The following BRIP1 variants were observed in gnomAD, a reference collection of about 807,000 sequenced individuals.
BRIP1 encodes the protein Fanconi anemia group J protein.
A neutral mutation model predicts 119.7 loss-of-function variants in BRIP1; 88 were observed. That is an observed-to-expected ratio of 0.74 (90% CI 0.62 to 0.88). The LOEUF is 0.88. Ranked by LOEUF, BRIP1 falls within the 40% of genes least tolerant of loss-of-function variation. The probability of loss-of-function intolerance (pLI) is 0.00; values close to 1 mark genes in which losing one functional copy is unlikely to be tolerated. For missense variants in BRIP1, 1,259 were observed against 1,455.4 expected (o/e 0.87, Z 2.20); for synonymous variants, 443 against 496.5 (o/e 0.89, Z 1.43).
chr17:61,829,089 T>A (rs1275065935), intron 6 of BRIP1, among the ~76,000 whole-genome samples: 1 of 151,996 alleles, frequency 6.6e-6, no homozygotes, highest in East Asian at 1.9e-4. Flanking sequence ...AGAAAACAAA[T>A]AGTAACCACA....
rs1256665607 is a variant in BRIP1 at position 61,767,769 on chromosome 17, TTTACA to T, written c.2097+8627_2097+8631del. On this transcript the variant is annotated intron_variant, in intron 14 of 19. Transcript: ENST00000259008. The surrounding 1 kb of genome is among the most constrained non-coding windows in gnomAD (Gnocchi z 5.7). ...CTTTTATGAAACTCTGCAACCAGTC[TTTACA>T]TTACATTTTCACACATGCCAAGCTA... Among the ~76,000 whole-genome samples the T allele has an allele frequency of 1.3e-5, 2 of 152,170 alleles. No homozygotes were observed. Among genetic ancestry groups the T allele is most frequent in the Non-Finnish European group, 2.9e-5 (2 of 68,022 alleles).
Position 61,755,027 on chromosome 17 carries a change from C to T in BRIP1, c.2098-10436G>A, listed in dbSNP as rs1433435646. On this transcript the variant is annotated intron_variant, in intron 14 of 19. Transcript: ENST00000259008. This position sits in a 1 kb window ranked among gnomAD's most constrained non-coding sequence, Gnocchi z 4.5. ...CATATTAGTAGCTTTCTGTGTCTCTCATTTATTTTCTGTCTCTCACCCTGG... is the reference window on the plus strand; with the variant it reads ...CATATTAGTAGCTTTCTGTGTCTCTTATTTATTTTCTGTCTCTCACCCTGG... Among the ~76,000 whole-genome samples, 1 of 152,184 alleles carries T rather than the reference C, an allele frequency of 6.6e-6. No homozygotes were observed. The highest frequency in any genetic ancestry group is 1.5e-5 in the Non-Finnish European group (1 of 68,036).
rs527626250 is a variant in BRIP1, at chr17:61,841,144, G to A, written c.627+5957C>T. On this transcript the variant is annotated intron_variant, in intron 6 of 19. Transcript: ENST00000259008. The surrounding 1 kb of genome is among the most constrained non-coding windows in gnomAD (Gnocchi z 4.1). Reference sequence around the variant, plus strand: ...AGAAAACATAGGGCAAAAGCTTCAGGACACTGATCTAGGCAGATTTTATGG... The same window carrying A: ...AGAAAACATAGGGCAAAAGCTTCAGAACACTGATCTAGGCAGATTTTATGG... Among the ~76,000 whole-genome samples the A allele has an allele frequency of 9.9e-5, 15 of 152,112 alleles. No homozygotes were observed. Among genetic ancestry groups the A allele is most frequent in the Non-Finnish European group, 1.9e-4 (13 of 68,024 alleles).
chr17:61,747,902 AT>A (rs35956751), intron 14 of BRIP1, among the ~76,000 whole-genome samples: 530 of 141,052 alleles, frequency 3.8e-3, no homozygotes, highest in Middle Eastern at 0.011. Context: ...TGCCCTGGTA[AT>A]TTTTTTTTTT....
rs2144092407 is a variant in BRIP1, at chr17:61,684,065, T to A, written c.2981A>T (p.Asn994Ile). The A allele has an allele frequency of 6.2e-7, 1 of 1,613,778 alleles. No individual in the cohort carries two copies. The highest frequency in any genetic ancestry group is 8.5e-7 in the Non-Finnish European group (1 of 1,179,934). Residue 994 changes from asparagine to isoleucine, a missense_variant, in exon 20 of 20, where the codon AAC (asparagine) becomes ATC (isoleucine). Physicochemically the swap from Asn to Ile is moderately radical, Grantham distance 149 (BLOSUM62 -3). Around this residue, in one of 3 missense-constraint regions of BRIP1, gnomAD observed 753 missense variants for 891.8 expected, o/e 0.84. Coordinates refer to ENST00000259008, the MANE Select transcript of BRIP1 (RefSeq NM_032043.3). The surrounding 1 kb of genome is among the most constrained non-coding windows in gnomAD (Gnocchi z 4.5). The part of the protein sequence containing the change: ...VISRSTSPTF[N>I]KQTKRVSWSS... ...CCAGCTAACTCTCTTTGTTTGTTTG[T>A]TGAAAGTTGGGCTTGTGGATCTGGA...
rs1214336372 is a variant in BRIP1, at chr17:61,842,266, C to T, written c.627+4835G>A. Among the ~76,000 whole-genome samples, 1 of 151,704 alleles carries T rather than the reference C, an allele frequency of 6.6e-6. No individual in the cohort carries two copies. The highest frequency in any genetic ancestry group is 1.5e-5 in the Non-Finnish European group (1 of 67,942). On this transcript the variant is annotated intron_variant, in intron 6 of 19. Transcript: ENST00000259008. The surrounding 1 kb of genome is among the most constrained non-coding windows in gnomAD (Gnocchi z 5.1). ...TAGAAGTAGAGTAAATTGTGGTTAT[C>T]AGAGGTTAGGAAGGGGTGAGGGGAG... is the stretch of plus-strand genomic sequence containing the variant.
intron 10 of BRIP1, among the ~76,000 whole-genome samples, chr17:61,787,466 A>ATATACTAT (rs2077747883): frequency 7.4e-6 from 1 of 135,568 alleles, no homozygotes; most frequent in Non-Finnish European, 1.6e-5. Context: ...TATATAATAT[A>ATATACTAT]AAAATAACCC....
chr17:61,786,821 A>G (rs2077718558), intron 10 of BRIP1, among the ~76,000 whole-genome samples: 2 of 128,440 alleles, frequency 1.6e-5, no homozygotes, highest in Non-Finnish European at 3.2e-5. Context: ...ATTTTATATA[A>G]ATATATTTTA....
intron 14 of BRIP1, among the ~76,000 whole-genome samples, chr17:61,749,880 T>C (rs985970209): frequency 2.6e-5 from 4 of 152,262 alleles, no homozygotes; most frequent in Non-Finnish European, 4.4e-5. Flanking sequence ...CATTTTTGTA[T>C]GTTAATTTTG....
At position 61,809,238 on chromosome 17, in the gene BRIP1, T is replaced by C. The variant is rs1037407594; in HGVS notation, c.628-481A>G. On this transcript the variant is annotated intron_variant, in intron 6 of 19. Coordinates refer to ENST00000259008, the MANE Select transcript of BRIP1 (RefSeq NM_032043.3). This position sits in a 1 kb window ranked among gnomAD's most constrained non-coding sequence, Gnocchi z 5.2. Reference sequence around the variant, plus strand: ...TATAGTTTACAAAAGAATAGAATTATCAAGTTGAATCTAAAGGATCACTTA... The same window carrying C: ...TATAGTTTACAAAAGAATAGAATTACCAAGTTGAATCTAAAGGATCACTTA... Among the ~76,000 whole-genome samples, 8 of 152,164 alleles carry C rather than the reference T, an allele frequency of 5.3e-5. No homozygotes were observed. Among genetic ancestry groups the C allele is most frequent in the Non-Finnish European group, 1.0e-4 (7 of 68,014 alleles).
chr17:61,856,953 T>C lies in BRIP1; in HGVS notation c.379+105A>G, dbSNP rs1430344403. On this transcript the variant is annotated intron_variant, in intron 4 of 19. Coordinates refer to ENST00000259008, the MANE Select transcript of BRIP1 (RefSeq NM_032043.3). This position sits in a 1 kb window ranked among gnomAD's most constrained non-coding sequence, Gnocchi z 5.1. ...ATTCCAGAGAAACTAGATAGAGATATATAATCAGTTATGCTAACCAAACTT... is the reference window on the plus strand; with the variant it reads ...ATTCCAGAGAAACTAGATAGAGATACATAATCAGTTATGCTAACCAAACTT... The C allele has an allele frequency of 7.3e-6, 8 of 1,095,268 alleles. No homozygotes were observed. The African/African-American group carries it at 9.3e-5, about 13-fold the overall frequency. The allele number at this position is 1,095,268 out of a possible 1,614,324, so 67.8% of individuals were successfully genotyped here. A position where few individuals can be genotyped will look rare whatever the true frequency, so the allele number is the denominator to read the frequency against.
In BRIP1 at chr17:61,759,822, A is replaced by C. The variant is rs985487799; in HGVS notation, c.2098-15231T>G. On this transcript the variant is annotated intron_variant, in intron 14 of 19. Transcript: ENST00000259008. This position sits in a 1 kb window ranked among gnomAD's most constrained non-coding sequence, Gnocchi z 4.9. The stretch of plus-strand genomic sequence containing the variant: ...TGACACAGAGACATGAAGTGAGTAC[A>C]TAGTATTGGAAAAATGGTGACAATA... Among the ~76,000 whole-genome samples, 3 of 152,016 alleles carry C rather than the reference A, an allele frequency of 2.0e-5. No individual in the cohort carries two copies. Among genetic ancestry groups the C allele is most frequent in the Non-Finnish European group, 4.4e-5 (3 of 67,930 alleles).
At position 61,705,253 on chromosome 17, in the gene BRIP1, G is replaced by A. The variant is rs1308545101; in HGVS notation, c.2492+10698C>T. On this transcript the variant is annotated intron_variant, in intron 17 of 19. Transcript: ENST00000259008. This position sits in a 1 kb window ranked among gnomAD's most constrained non-coding sequence, Gnocchi z 5.0. ...AATGGCCTCCAGTTGCATCCATGTTGCGGCAAGGACATGATTTCATTCTTT... is the reference window on the plus strand; with the variant it reads ...AATGGCCTCCAGTTGCATCCATGTTACGGCAAGGACATGATTTCATTCTTT... Among the ~76,000 whole-genome samples, 2 of 152,054 alleles carry A rather than the reference G, an allele frequency of 1.3e-5. 1 individual carries two copies.
rs1373102058 is a variant in BRIP1, at chr17:61,752,565, G to A, written c.2098-7974C>T. On this transcript the variant is annotated intron_variant, in intron 14 of 19. Transcript: ENST00000259008. The surrounding 1 kb of genome is among the most constrained non-coding windows in gnomAD (Gnocchi z 6.2). ...TTCAGGAGAAAAGATAACCCTAAAA[G>A]TTACTATTTATTGCCCTGTAGTACA... is the stretch of plus-strand genomic sequence containing the variant. Among the ~76,000 whole-genome samples, 1 of 152,048 alleles carries A rather than the reference G, an allele frequency of 6.6e-6. No individual in the cohort carries two copies. The highest frequency in any genetic ancestry group is 1.9e-4 in the East Asian group (1 of 5,196).
At chr17:61,812,826 A>G (rs1656311761) in intron 6 of BRIP1, among the ~76,000 whole-genome samples, 1 of 152,170 alleles carries the variant, frequency 6.6e-6, no homozygotes, top group Non-Finnish European at 1.5e-5. Flanking sequence ...AAAGATGAAG[A>G]GTTCGAAGAT....
chr17:61,851,572 G>T lies in BRIP1; in HGVS notation c.380-2316C>A, dbSNP rs968012941. ...CTTCTATAAAAATATCAAGTTTCTG[G>T]ATACATGTGGGACCAAATTAGGGTT... On this transcript the variant is annotated intron_variant, in intron 4 of 19. Transcript: ENST00000259008. This position sits in a 1 kb window ranked among gnomAD's most constrained non-coding sequence, Gnocchi z 4.6. Among the ~76,000 whole-genome samples, 1 of 152,020 alleles carries T rather than the reference G, an allele frequency of 6.6e-6. No homozygotes were observed. The highest frequency in any genetic ancestry group is 1.5e-5 in the Non-Finnish European group (1 of 68,004).
chr17:61,766,248 T>A (rs915175348), intron 14 of BRIP1, among the ~76,000 whole-genome samples: 1 of 152,192 alleles, frequency 6.6e-6, no homozygotes, highest in Non-Finnish European at 1.5e-5. Flanking sequence ...GAATGTAGTA[T>A]GTGCCCAGTA....
rs569359395 is a variant in BRIP1 at position 61,842,139 on chromosome 17, A to G, written c.627+4962T>C. Among the ~76,000 whole-genome samples, 3 of 152,234 alleles carry G rather than the reference A, an allele frequency of 2.0e-5. No individual in the cohort carries two copies. Among genetic ancestry groups the G allele is most frequent in the Non-Finnish European group, 4.4e-5 (3 of 68,042 alleles). On this transcript the variant is annotated intron_variant, in intron 6 of 19. Transcript: ENST00000259008. This position sits in a 1 kb window ranked among gnomAD's most constrained non-coding sequence, Gnocchi z 5.1. ...TATTGAAACCTTGTTATTTGCAGCA[A>G]CATGGGTAAGCCTGGAAGATATTAA... is the stretch of plus-strand genomic sequence containing the variant.
rs1326924734 is a variant in BRIP1, at chr17:61,823,897, T to G, written c.628-15140A>C. On this transcript the variant is annotated intron_variant, in intron 6 of 19. Transcript: ENST00000259008. The surrounding 1 kb of genome is among the most constrained non-coding windows in gnomAD (Gnocchi z 4.8). ...AAAGTGATCTCAGCTCACTGCAACC[T>G]CCGCCTCCTGGGTTCAAGTGATTCT... Among the ~76,000 whole-genome samples, 1 of 152,010 alleles carries G rather than the reference T, an allele frequency of 6.6e-6. No homozygotes were observed. Among genetic ancestry groups the G allele is most frequent in the African/African-American group, 2.4e-5 (1 of 41,364 alleles).
Sources: allele counts gnomAD v4.1 joint callset (sites outside exome capture counted in the v4.1 genomes callset), GRCh38; gene constraint gnomAD v4.1.1; regional missense constraint gnomAD v4.1.1; non-coding constraint Gnocchi (gnomAD v3.1); transcripts MANE v1.5; gene names NCBI Gene and HGNC (gene_info 2026-07-23, HGNC 2026-07-21).